ARHGEF16: variants seen among roughly 807,000 people sequenced by gnomAD.
The protein encoded by ARHGEF16 is Rho guanine exchange factor (GEF) 16.
Under a neutral mutation model 74.1 loss-of-function variants are expected in ARHGEF16, and 59 were observed. The ratio of observed to expected loss-of-function variants is 0.80; its 90% CI spans 0.65 to 0.99. ARHGEF16 has a LOEUF of 0.99. ARHGEF16 is among the 50% of genes least tolerant of loss of function. The pLI, the probability that ARHGEF16 is intolerant of heterozygous loss-of-function variation, is 0.00. For missense variants in ARHGEF16, 948 were observed against 986.6 expected (o/e 0.96, Z 0.52); for synonymous variants, 415 against 412.6 (o/e 1.01, Z -0.07).
intron 3 of ARHGEF16, 31 bp from the exon 4 acceptor site, chr1:3,467,136 AG>A: frequency 6.5e-7 from 1 of 1,536,702 alleles, no homozygotes; most frequent in Non-Finnish European, 8.8e-7. Flanking sequence ...GCAATCCCCC[AG>A]GGCCACAGGT....
At chr1:3,472,992 G>T in intron 6 of ARHGEF16, 86 bp from the exon 7 acceptor site, 2 of 1,439,582 alleles carry the variant, frequency 1.4e-6, no homozygotes, top group Non-Finnish European at 1.9e-6. Flanking sequence ...ATGTGTGAGT[G>T]TGCATGCAGA....
chr1:3,455,042 C>T (rs1222235094), intron 1 of ARHGEF16, among the ~76,000 whole-genome samples: 1 of 151,252 alleles, frequency 6.6e-6, no homozygotes, highest in Non-Finnish European at 1.5e-5. Context: ...TTTGGACCCG[C>T]CCCCCCACAC....
At chr1:3,473,911 G>A (rs144358826) in intron 8 of ARHGEF16, 4 of 307,652 alleles carry the variant, frequency 1.3e-5, no homozygotes, top group South Asian at 6.8e-5. Context: ...TTCTGTGGAC[G>A]CAGAGAGGGG....
rs964103995 is a variant in ARHGEF16 at position 3,462,988 on chromosome 1, C to G, written c.-19-78C>G. The G allele has an allele frequency of 1.2e-5, 13 of 1,055,552 alleles. No homozygotes were observed. The African/African-American group carries it at 2.1e-4, about 17-fold the overall frequency. 65.4% of individuals were successfully genotyped at this position (1,055,552 alleles called of 1,614,324 possible). A position where few individuals can be genotyped will look rare whatever the true frequency, so the allele number is the denominator to read the frequency against. On this transcript the variant is annotated intron_variant, in intron 1 of 14. Coordinates refer to ENST00000378378, the MANE Select transcript of ARHGEF16 (RefSeq NM_014448.4). The stretch of plus-strand genomic sequence containing the variant: ...TACTGGAGCCCCGGCCAGACATATG[C>G]AAAGGGGTAGGGGGGTGGACACCCG...
intron 4 of ARHGEF16, 63 bp downstream of exon 4, chr1:3,467,400 T>A (rs1201111632): frequency 1.4e-6 from 2 of 1,478,820 alleles, no homozygotes; most frequent in African/African-American, 2.8e-5. Context: ...GTCCCCCTGC[T>A]GTTCCTTCCC....
chr1:3,454,926 C>T (rs1639230855), intron 1 of ARHGEF16, 115 bp downstream of exon 1: 1 of 152,116 alleles, frequency 6.6e-6, no homozygotes, highest in Non-Finnish European at 1.5e-5. Context: ...TCCTCCCCCT[C>T]GCTTTTCCCG....
At chr1:3,455,426 T>TGGGGAG (rs1184174396) in intron 1 of ARHGEF16, among the ~76,000 whole-genome samples, 6 of 151,824 alleles carry the variant, frequency 4.0e-5, no homozygotes, top group African/African-American at 9.7e-5. Flanking sequence ...AGAAGGGAGA[T>TGGGGAG]GGGGAGGGGG....
intron 1 of ARHGEF16, among the ~76,000 whole-genome samples, chr1:3,460,126 G>T (rs1057159956): frequency 1.3e-5 from 2 of 152,248 alleles, no homozygotes; most frequent in African/African-American, 4.8e-5. Flanking sequence ...CTCCTGGGGG[G>T]CTCTGGACTG....
intron 12 of ARHGEF16, 124 bp from the exon 13 acceptor site, chr1:3,479,393 C>A: frequency 9.7e-7 from 1 of 1,028,526 alleles, no homozygotes; most frequent in Non-Finnish European, 1.4e-6. Flanking sequence ...CCCAGCCACT[C>A]CTGCCCACCC....
At chr1:3,471,823 T>G in intron 6 of ARHGEF16, 1 of 1,065,238 alleles carries the variant, frequency 9.4e-7, no homozygotes, top group Non-Finnish European at 1.2e-6. Context: ...CTCCCAGACC[T>G]TTCTCAGAAC....
chr1:3,470,424 G>A (rs1241311458), intron 6 of ARHGEF16, among the ~76,000 whole-genome samples: 4 of 150,782 alleles, frequency 2.7e-5, no homozygotes, highest in Non-Finnish European at 5.9e-5. Flanking sequence ...GTGCATGGGT[G>A]TGGGGCAGGG....
rs149603400 is a variant in ARHGEF16, at chr1:3,462,745, C to A, written c.-19-321C>A. 5.0e-3 allele frequency among the ~76,000 whole-genome samples: 761 copies of A among 152,322 alleles called. 3 individuals carry two copies. Among genetic ancestry groups the A allele is most frequent in the Non-Finnish European group, 7.2e-3 (493 of 68,020 alleles). ...AGTGCGTGCTGCCCATCAGAGGAAG[C>A]AGTGTGGCCTCCCAACCTCCAAGGT... On this transcript the variant is annotated intron_variant, in intron 1 of 14. Coordinates refer to ENST00000378378, the MANE Select transcript of ARHGEF16 (RefSeq NM_014448.4).
chr1:3,473,512 T>C lies in ARHGEF16; in HGVS notation c.1295T>C (p.Leu432Pro). The C allele has an allele frequency of 6.2e-7, 1 of 1,608,834 alleles. No homozygotes were observed. The highest frequency in any genetic ancestry group is 8.5e-7 in the Non-Finnish European group (1 of 1,179,982). ...ATGCAGCGGGTGACCCGGCTGCCCC[T>C]CCTGATGGATGTAAGTCCACGGCCT... ...LPMQRVTRLP[L>P]LMDTLCLKTQ... The change falls in exon 8 of 15, where the codon CTC (leucine) becomes CCC (proline). Residue 432 changes from leucine to proline, a missense_variant. Leu to Pro is a moderately conservative substitution (Grantham distance 98). Coordinates refer to ENST00000378378, the MANE Select transcript of ARHGEF16 (RefSeq NM_014448.4).
intron 4 of ARHGEF16, among the ~76,000 whole-genome samples, chr1:3,467,666 T>C (rs996670059): frequency 6.6e-6 from 1 of 152,082 alleles, no homozygotes; most frequent in South Asian, 2.1e-4. Flanking sequence ...ATGATCTGCG[T>C]AGGGAGACAG....
At chr1:3,474,824 C>A (rs775653157) in intron 9 of ARHGEF16, 42 bp downstream of exon 9, 4 of 1,591,844 alleles carry the variant, frequency 2.5e-6, no homozygotes, top group South Asian at 1.1e-5. Flanking sequence ...AGTCCTGTAC[C>A]CCGACCCTGT....
At position 3,473,240 on chromosome 1, in the gene ARHGEF16, C is replaced by T. The variant is rs757902410; in HGVS notation, c.1175+10C>T. On this transcript the variant is annotated intron_variant, in intron 7 of 14. Transcript: ENST00000378378. ...CGCTGCAGAAGCTGATGTGAGTGGG[C>T]GGCCCCGAGGCCCGCAGGGTGGCTC... 99 of 1,611,734 alleles carry T rather than the reference C, an allele frequency of 6.1e-5. No individual in the cohort carries two copies. The highest frequency in any genetic ancestry group is 2.4e-4 in the South Asian group (22 of 90,910).
At position 3,463,503 on chromosome 1, in the gene ARHGEF16, ACCCCGGGGG is replaced by A; in HGVS notation, c.421_429del (p.Pro141_Gly143del). 1 of 1,495,054 alleles carries A rather than the reference ACCCCGGGGG, an allele frequency of 6.7e-7. No homozygotes were observed. Among genetic ancestry groups the A allele is most frequent in the Non-Finnish European group, 8.9e-7 (1 of 1,119,208 alleles). The allele number at this position is 1,495,054 out of a possible 1,614,324, so 92.6% of individuals were successfully genotyped here. On this transcript the variant is annotated inframe_deletion, in exon 2 of 15. Transcript: ENST00000378378. ...CTGGATGACATGGACGTGGACAAGG[ACCCCGGGGG>A]CATGCTGAGGCGGAACCTGCGGAAC...
At position 3,469,426 on chromosome 1, in the gene ARHGEF16, T is replaced by G; in HGVS notation, c.862-7T>G. ...ACTGTGGGGCTCACCTAGGCCCCTC[T>G]CCACAGGCCATGTTCGAGATCCTCA... On this transcript the variant is annotated splice_polypyrimidine_tract_variant and splice_region_variant and intron_variant, in intron 5 of 14. Coordinates refer to ENST00000378378, the MANE Select transcript of ARHGEF16 (RefSeq NM_014448.4). The G allele has an allele frequency of 6.2e-7, 1 of 1,612,742 alleles. No individual in the cohort carries two copies. Among genetic ancestry groups the G allele is most frequent in the Non-Finnish European group, 8.5e-7 (1 of 1,179,892 alleles).
Position 3,463,433 on chromosome 1 carries a change from G to A in ARHGEF16, c.349G>A (p.Ala117Thr), listed in dbSNP as rs1395369059. Residue 117 changes from alanine (A) to threonine (T), a missense_variant, in exon 2 of 15, where the codon GCC (alanine) becomes ACC (threonine). By Grantham distance (58) the Ala-to-Thr change is moderately conservative. Transcript: ENST00000378378. Reference sequence around the variant, plus strand: ...CGGGGCGGCTGTACTTAGCAGGGAGGCCGCCCGGCGGGACCCTAAGCTCCT... The same window carrying A: ...CGGGGCGGCTGTACTTAGCAGGGAGACCGCCCGGCGGGACCCTAAGCTCCT... Reference protein sequence around the residue: ...SFGAAVLSREAARRDPKLLPA... With the variant: ...SFGAAVLSRETARRDPKLLPA... 3 of 1,545,862 alleles carry A rather than the reference G, an allele frequency of 1.9e-6. No individual in the cohort carries two copies. Among genetic ancestry groups the A allele is most frequent in the East Asian group, 4.9e-5 (2 of 40,828 alleles).
Sources: allele counts gnomAD v4.1 joint callset (sites outside exome capture counted in the v4.1 genomes callset), GRCh38; gene constraint gnomAD v4.1.1; transcripts MANE v1.5; gene names NCBI Gene and HGNC (gene_info 2026-07-23, HGNC 2026-07-21).